ZNF385D: variants seen among roughly 807,000 people sequenced by gnomAD.
ZNF385D encodes zinc finger protein 385D, also known as zinc finger protein 659.
In ZNF385D, 15 loss-of-function variants were observed where a neutral mutation model predicts 35.8. The ratio of observed to expected loss-of-function variants is 0.42; its 90% CI spans 0.28 to 0.64. ZNF385D has a LOEUF of 0.64. Ranked by LOEUF, ZNF385D falls within the 30% of genes least tolerant of loss-of-function variation. The probability of loss-of-function intolerance (pLI) is 0.23; values close to 1 mark genes in which losing one functional copy is unlikely to be tolerated. For synonymous variants in ZNF385D, 212 were observed against 186.8 expected, an observed-to-expected ratio of 1.13 and a Z score of -1.10; for missense variants, 474 against 494.6, an observed-to-expected ratio of 0.96 and a Z score of 0.39.
chr3:21,534,566 C>G (rs752363728), intron 3 of ZNF385D, among the ~76,000 whole-genome samples: 2 of 152,088 alleles, frequency 1.3e-5, no homozygotes, highest in African/African-American at 4.8e-5. Context: ...CTCGGATAAG[C>G]ACAGCTGGGC....
chr3:22,146,985 G>T (rs575425692), intron 3 of ZNF385D, among the ~76,000 whole-genome samples: 1 of 152,046 alleles, frequency 6.6e-6, no homozygotes, highest in African/African-American at 2.4e-5. Flanking sequence ...CTAATCAAAC[G>T]AAACAAAATT....
At chr3:21,894,113 A>T (rs997288838) in intron 3 of ZNF385D, among the ~76,000 whole-genome samples, 2 of 152,174 alleles carry the variant, frequency 1.3e-5, no homozygotes, top group East Asian at 3.9e-4. Flanking sequence ...AAACTTGCAT[A>T]GTCATATATA....
intron 1 of ZNF385D, among the ~76,000 whole-genome samples, chr3:21,675,377 G>A (rs186387690): frequency 6.6e-6 from 1 of 152,078 alleles, no homozygotes; most frequent in East Asian, 1.9e-4. Flanking sequence ...CATACACTGG[G>A]TACTGTACTG....
chr3:22,166,813 T>C (rs1174479025), intron 3 of ZNF385D, among the ~76,000 whole-genome samples: 7 of 152,226 alleles, frequency 4.6e-5, no homozygotes, highest in Non-Finnish European at 1.0e-4. Flanking sequence ...TGTTGTTTAT[T>C]ACTTCTCCAA....
At chr3:22,029,616 T>C (rs949873195) in intron 3 of ZNF385D, among the ~76,000 whole-genome samples, 1 of 152,252 alleles carries the variant, frequency 6.6e-6, no homozygotes, top group African/African-American at 2.4e-5. Flanking sequence ...TGTGCATATA[T>C]ACACTTGTAC....
At chr3:22,314,078 A>G (rs1042414687) in intron 2 of ZNF385D, among the ~76,000 whole-genome samples, 3 of 152,050 alleles carry the variant, frequency 2.0e-5, no homozygotes, top group Non-Finnish European at 4.4e-5. Context: ...TTTCATTATA[A>G]TTCCCCTAAA....
At chr3:21,789,962 A>T (rs1328664422) in intron 3 of ZNF385D, among the ~76,000 whole-genome samples, 1 of 152,214 alleles carries the variant, frequency 6.6e-6, no homozygotes, top group Non-Finnish European at 1.5e-5. Context: ...ACACAGTCAG[A>T]CTTCAAAATG....
chr3:21,720,874 T>C (rs923720923), intron 1 of ZNF385D, among the ~76,000 whole-genome samples: 1 of 152,192 alleles, frequency 6.6e-6, no homozygotes, highest in Non-Finnish European at 1.5e-5. Flanking sequence ...ATGATTTCCA[T>C]ATGGTGACAA....
At chr3:22,092,986 T>G (rs1576306368) in intron 3 of ZNF385D, among the ~76,000 whole-genome samples, 1 of 152,264 alleles carries the variant, frequency 6.6e-6, no homozygotes, top group East Asian at 1.9e-4. Context: ...GCAAATAAAC[T>G]TATCAAAACT....
chr3:22,316,309 G>A (rs188016631), intron 2 of ZNF385D, among the ~76,000 whole-genome samples: 1 of 152,302 alleles, frequency 6.6e-6, no homozygotes, highest in East Asian at 1.9e-4. Flanking sequence ...AATCTTGGCT[G>A]GCCTTGTGTT....
intron 3 of ZNF385D, among the ~76,000 whole-genome samples, chr3:22,019,571 T>A (rs971657948): frequency 2.0e-5 from 3 of 150,794 alleles, no homozygotes; most frequent in Non-Finnish European, 4.4e-5. Flanking sequence ...TCAGACTAAT[T>A]TAAAAAATCC....
chr3:22,181,344 C>G (rs1050663347), intron 2 of ZNF385D, among the ~76,000 whole-genome samples: 2 of 152,062 alleles, frequency 1.3e-5, no homozygotes, highest in Non-Finnish European at 2.9e-5. Context: ...GGTAATCAGA[C>G]CTTTCCACAG....
intron 2 of ZNF385D, among the ~76,000 whole-genome samples, chr3:22,208,717 TAAAAAA>T (rs35531397): frequency 6.6e-6 from 1 of 150,614 alleles, no homozygotes; most frequent in Non-Finnish European, 1.5e-5. Flanking sequence ...AAGTAAAAAT[TAAAAAA>T]AAAATTTAAA....
chr3:21,453,617 C>A (rs1294262465), intron 4 of ZNF385D, among the ~76,000 whole-genome samples: 1 of 151,902 alleles, frequency 6.6e-6, no homozygotes, highest in Non-Finnish European at 1.5e-5. Context: ...TGAAAAGATG[C>A]TCAACATTAA....
At chr3:21,619,406 G>C (rs992030193) in intron 2 of ZNF385D, among the ~76,000 whole-genome samples, 1 of 140,648 alleles carries the variant, frequency 7.1e-6, no homozygotes, top group East Asian at 2.1e-4. Flanking sequence ...TTGTCATCGT[G>C]TGTGTGCGTG....
At chr3:21,850,435 T>C (rs1447226860) in intron 3 of ZNF385D, among the ~76,000 whole-genome samples, 1 of 152,072 alleles carries the variant, frequency 6.6e-6, no homozygotes, top group Non-Finnish European at 1.5e-5. Flanking sequence ...CTTTGAGCTG[T>C]AGACACAAAA....
At chr3:21,427,291 T>C (rs1701065250) in intron 5 of ZNF385D, among the ~76,000 whole-genome samples, 1 of 152,244 alleles carries the variant, frequency 6.6e-6, no homozygotes, top group Non-Finnish European at 1.5e-5. Flanking sequence ...AATGTTTCTA[T>C]GCAGCTCCTT....
At chr3:21,887,371 T>C (rs1307130980) in intron 3 of ZNF385D, among the ~76,000 whole-genome samples, 1 of 152,080 alleles carries the variant, frequency 6.6e-6, no homozygotes, top group Non-Finnish European at 1.5e-5. Context: ...TAAAAATAAA[T>C]TTATGAAATG....
rs369713034 is a variant in ZNF385D at position 21,646,665 on chromosome 3, TAGAA to T, written c.165+18217_165+18220del. ...AGTCTCCATTTACTTCAGAGGCAAT[TAGAA>T]AGAAAGAAACAGGCCTGCCTTCACT... On this transcript the variant is annotated intron_variant, in intron 2 of 7. Coordinates refer to ENST00000281523, the MANE Select transcript of ZNF385D (RefSeq NM_024697.3). The surrounding 1 kb of genome is among the most constrained non-coding windows in gnomAD (Gnocchi z 4.3). Among the ~76,000 whole-genome samples, 899 of 152,268 alleles carry T rather than the reference TAGAA, an allele frequency of 5.9e-3. 8 individuals are homozygous for T. The highest frequency in any genetic ancestry group is 0.02 in the African/African-American group (851 of 41,548).
Sources: gnomAD v4.1 joint callset for allele counts (sites outside exome capture counted in the v4.1 genomes callset) on GRCh38, gnomAD v4.1.1 for gene constraint, Gnocchi (gnomAD v3.1) non-coding constraint, MANE v1.5 for transcripts, NCBI Gene and HGNC (gene_info 2026-07-23, HGNC 2026-07-21) for gene names.